SLC4A8: variants seen among roughly 807,000 people sequenced by gnomAD.
The protein encoded by SLC4A8 is solute carrier family 4 member 8, also known as electroneutral sodium bicarbonate exchanger 1.
Under a neutral mutation model 125.0 loss-of-function variants are expected in SLC4A8, and 40 were observed. The ratio of observed to expected loss-of-function variants is 0.32; its 90% CI spans 0.25 to 0.42. The LOEUF (loss-of-function observed/expected upper bound fraction) is 0.42. SLC4A8 is among the 10% of genes least tolerant of loss of function. SLC4A8 has a pLI of 1.00. For missense variants in SLC4A8, 863 were observed against 1,355.1 expected, an observed-to-expected ratio of 0.64 and a Z score of 5.70; for synonymous variants, 456 against 476.0, an observed-to-expected ratio of 0.96 and a Z score of 0.55.
chr12:51,497,211 A>G (rs769322671), intron 22 of SLC4A8, 87 bp downstream of exon 22: 14 of 1,366,004 alleles, frequency 1.0e-5, no homozygotes, highest in Non-Finnish European at 1.4e-5. Context: ...CATGTCTGGA[A>G]TCCCGAGGGT....
intron 1 of SLC4A8, among the ~76,000 whole-genome samples, chr12:51,404,830 TC>T (rs1283066959): frequency 3.4e-5 from 5 of 148,490 alleles, no homozygotes; most frequent in Admixed American, 2.0e-4. Context: ...CTTTCTTTCT[TC>T]CCTTTTCTTT....
At chr12:51,479,124 C>T (rs1037950232) in intron 16 of SLC4A8, among the ~76,000 whole-genome samples, 1 of 152,148 alleles carries the variant, frequency 6.6e-6, no homozygotes, top group Non-Finnish European at 1.5e-5. Flanking sequence ...ATGGGATTGG[C>T]AGGAGGGGAG....
Position 51,452,170 on chromosome 12 carries a change from T to A in SLC4A8, c.324T>A (p.Asp108Glu). 1 of 1,614,122 alleles carries A rather than the reference T, an allele frequency of 6.2e-7. No individual in the cohort carries two copies. Among genetic ancestry groups the A allele is most frequent in the Non-Finnish European group, 8.5e-7 (1 of 1,179,970 alleles). The change falls in exon 4 of 25, where the codon GAT (aspartate) becomes GAA (glutamate). Residue 108 changes from aspartate (D) to glutamate (E), a missense_variant. Asp to Glu is a conservative substitution (Grantham distance 45, BLOSUM62 2). Coordinates refer to ENST00000453097, the MANE Select transcript of SLC4A8 (RefSeq NM_001039960.3). ...RVQFILGTEEDEEHVPHELFT... is the reference protein window; with the variant it reads ...RVQFILGTEEEEEHVPHELFT... ...AGTTCATTCTTGGCACCGAGGAAGA[T>A]GAAGAGCATGTGCCTCATGAGCTGT...
intron 14 of SLC4A8, 150 bp downstream of exon 14, chr12:51,471,682 G>A (rs1327927108): frequency 8.5e-6 from 7 of 818,878 alleles, no homozygotes; most frequent in Non-Finnish European, 1.3e-5. Flanking sequence ...AGGAGTATTG[G>A]AGGGCTGCCA....
intron 2 of SLC4A8, among the ~76,000 whole-genome samples, chr12:51,446,750 C>T (rs558295462): frequency 2.0e-5 from 3 of 152,282 alleles, no homozygotes; most frequent in East Asian, 3.9e-4. Flanking sequence ...CAGAGGCCCT[C>T]TTAGGTGAGA....
chr12:51,429,384 A>C (rs912831572), intron 1 of SLC4A8, among the ~76,000 whole-genome samples: 1 of 152,226 alleles, frequency 6.6e-6, no homozygotes, highest in African/African-American at 2.4e-5. Flanking sequence ...TTGGGAAGGC[A>C]GGATGGGAAG....
intron 1 of SLC4A8, among the ~76,000 whole-genome samples, chr12:51,437,426 T>C (rs1160823016): frequency 1.3e-5 from 2 of 152,226 alleles, no homozygotes; most frequent in Admixed American, 1.3e-4. Context: ...GCCTCATGAA[T>C]GTCTTGGTGC....
intron 23 of SLC4A8, among the ~76,000 whole-genome samples, chr12:51,505,588 G>A (rs1938133197): frequency 6.6e-6 from 1 of 152,232 alleles, no homozygotes; most frequent in Non-Finnish European, 1.5e-5. Flanking sequence ...TGTGGGAGCA[G>A]GACTGGCTGC....
At position 51,488,804 on chromosome 12, in the gene SLC4A8, T is replaced by C; in HGVS notation, c.2392T>C (p.Phe798Leu). 1 of 1,613,906 alleles carries C rather than the reference T, an allele frequency of 6.2e-7. No homozygotes were observed. The highest frequency in any genetic ancestry group is 8.5e-7 in the Non-Finnish European group (1 of 1,179,830). ...IPALLCTILIFMDQQITAVII... is the reference protein window; with the variant it reads ...IPALLCTILILMDQQITAVII... The stretch of plus-strand genomic sequence containing the variant: ...AGCTCTTCTCTGTACTATCTTGATA[T>C]TCATGGATCAGCAGATCACAGCCGT... Residue 798 changes from phenylalanine (F) to leucine (L), a missense_variant, in exon 18 of 25, where the codon TTC becomes CTC. Phe to Leu is a conservative substitution (Grantham distance 22). Around this residue, in one of 6 missense-constraint regions of SLC4A8, gnomAD observed 197 missense variants for 377.7 expected, o/e 0.52. Transcript: ENST00000453097.
chr12:51,425,162 C>A, intron 1 of SLC4A8, 127 bp downstream of exon 1: 1 of 1,439,538 alleles, frequency 6.9e-7, no homozygotes, highest in Non-Finnish European at 9.1e-7. Flanking sequence ...CGAGGGGAGG[C>A]CAGCCCGGGA....
intron 1 of SLC4A8, among the ~76,000 whole-genome samples, chr12:51,397,517 T>C (rs2137916986): frequency 6.6e-6 from 1 of 152,198 alleles, no homozygotes; most frequent in East Asian, 1.9e-4. Flanking sequence ...GGATGGGGAA[T>C]ATATTATTTT....
chr12:51,514,798 A>C lies in SLC4A8; in HGVS notation c.*7360A>C, dbSNP rs1192951514. The C allele has an allele frequency of 5.9e-5, 9 of 152,226 alleles. No individual in the cohort carries two copies. The East Asian group carries it at 1.7e-3, about 29-fold the overall frequency. The allele number at this position is 152,226 out of a possible 1,614,324, so 9.4% of individuals were successfully genotyped here. A position where few individuals can be genotyped will look rare whatever the true frequency, so the allele number is the denominator to read the frequency against. ...CATCAGAAAGGAGGGTAATATTCATAACCAAAAGAGATGTAAAGGAAGTAT... is the reference window on the plus strand; with the variant it reads ...CATCAGAAAGGAGGGTAATATTCATCACCAAAAGAGATGTAAAGGAAGTAT... On this transcript the variant is annotated 3_prime_UTR_variant, in exon 25 of 25. Transcript: ENST00000453097.
intron 6 of SLC4A8, among the ~76,000 whole-genome samples, chr12:51,458,176 T>A (rs1193121507): frequency 6.6e-6 from 1 of 152,208 alleles, no homozygotes; most frequent in Non-Finnish European, 1.5e-5. Flanking sequence ...AAGGGTCTCA[T>A]CTACATTTAT....
intron 1 of SLC4A8, among the ~76,000 whole-genome samples, chr12:51,398,453 T>C (rs1948307438): frequency 6.6e-6 from 1 of 152,216 alleles, no homozygotes; most frequent in African/African-American, 2.4e-5. Context: ...GATCTGTCCT[T>C]TCACAGTAGA....
At chr12:51,413,538 T>A (rs1948630729) in intron 1 of SLC4A8, among the ~76,000 whole-genome samples, 2 of 152,222 alleles carry the variant, frequency 1.3e-5, no homozygotes, top group Non-Finnish European at 2.9e-5. Flanking sequence ...CTAGTAGTAT[T>A]TATAGTTCCT....
chr12:51,501,128 C>T (rs1592279723), intron 22 of SLC4A8, among the ~76,000 whole-genome samples: 2 of 152,064 alleles, frequency 1.3e-5, no homozygotes, highest in East Asian at 3.8e-4. Flanking sequence ...CGTGCCCGGC[C>T]AGATTATTTT....
rs777978853 is a variant in SLC4A8, at chr12:51,459,986, G to A, written c.891G>A (p.Gly297=). The A allele has an allele frequency of 4.3e-6, 7 of 1,613,812 alleles. No homozygotes were observed. Among genetic ancestry groups the A allele is most frequent in the Non-Finnish European group, 5.9e-6 (7 of 1,179,754 alleles). ...DLHFMKKIPT[G]AEASNVLVGE... is the part of the protein sequence containing the mutation. ...ATTTCATGAAAAAAATTCCTACTGG[G>A]GCCGAGGCCTCCAATGTCCTGGTTG... The change falls in exon 8 of 25, where the codon GGG becomes GGA. Residue 297 remains glycine, a synonymous_variant. Coordinates refer to ENST00000453097, the MANE Select transcript of SLC4A8 (RefSeq NM_001039960.3).
At chr12:51,429,541 T>A (rs1367395041) in intron 1 of SLC4A8, among the ~76,000 whole-genome samples, 1 of 152,098 alleles carries the variant, frequency 6.6e-6, no homozygotes, top group Admixed American at 6.6e-5. Context: ...CTCACTCTGT[T>A]GCCCAGGCTG....
chr12:51,450,628 A>G, intron 2 of SLC4A8: 1 of 473,410 alleles, frequency 2.1e-6, no homozygotes, highest in South Asian at 3.0e-5. Flanking sequence ...TGGAAATCAC[A>G]TTATTTCTTT....
Sources: allele counts gnomAD v4.1 joint callset (sites outside exome capture counted in the v4.1 genomes callset), GRCh38; gene constraint gnomAD v4.1.1; regional missense constraint gnomAD v4.1.1; transcripts MANE v1.5; gene names NCBI Gene and HGNC (gene_info 2026-07-23, HGNC 2026-07-21).